The following ZDHHC3 variants were observed in gnomAD, a reference collection of about 807,000 sequenced individuals.
ZDHHC3 encodes palmitoyltransferase ZDHHC3.
A neutral mutation model predicts 30.6 loss-of-function variants in ZDHHC3; 9 were observed. The ratio of observed to expected loss-of-function variants is 0.29; its 90% confidence interval spans 0.18 to 0.51. The LOEUF (loss-of-function observed/expected upper bound fraction) is 0.51. ZDHHC3 is among the 20% of genes least tolerant of loss of function. ZDHHC3 has a pLI of 0.97. For synonymous variants in ZDHHC3, 136 were observed against 140.2 expected (o/e 0.97, Z 0.21); for missense variants, 246 against 384.2 (o/e 0.64, Z 3.01).
intron 2 of ZDHHC3, among the ~76,000 whole-genome samples, chr3:44,956,299 AC>A (rs1445734307): frequency 6.6e-6 from 1 of 152,174 alleles, no homozygotes; most frequent in Non-Finnish European, 1.5e-5. Flanking sequence ...TCAGCTCCAG[AC>A]TGACTATCTA....
intron 3 of ZDHHC3, among the ~76,000 whole-genome samples, chr3:44,944,089 C>T (rs1404697817): frequency 6.6e-6 from 1 of 152,124 alleles, no homozygotes; most frequent in Non-Finnish European, 1.5e-5. Flanking sequence ...CGATGCTCTG[C>T]CCTCAGCCTC....
chr3:44,965,317 T>C (rs1444221498), intron 1 of ZDHHC3, among the ~76,000 whole-genome samples: 1 of 152,068 alleles, frequency 6.6e-6, no homozygotes, highest in Non-Finnish European at 1.5e-5. Flanking sequence ...GACACAAATA[T>C]ACTTAGTGAA....
chr3:44,951,378 A>AG (rs1488095945), intron 2 of ZDHHC3, among the ~76,000 whole-genome samples: 9 of 152,170 alleles, frequency 5.9e-5, no homozygotes, highest in Non-Finnish European at 4.4e-5. Flanking sequence ...GTGTGTATTT[A>AG]GGGGTGGGGT....
rs760471683 is a variant in ZDHHC3 at position 44,959,122 on chromosome 3, C to T, written c.306+9G>A. 13 of 1,613,744 alleles carry T rather than the reference C, an allele frequency of 8.1e-6. No homozygotes were observed. Among genetic ancestry groups the T allele is most frequent in the African/African-American group, 4.0e-5 (3 of 74,936 alleles). ...GTGGGCTGGTCAAAACAAGCCCAGA[C>T]ATACTCACGGGGTCCGTCAGCATGG... On this transcript the variant is annotated intron_variant, in intron 2 of 6. Transcript: ENST00000424952. This position sits in a 1 kb window ranked among gnomAD's most constrained non-coding sequence, Gnocchi z 4.3.
Position 44,922,367 on chromosome 3 carries a change from A to G in ZDHHC3, c.*4322T>C. ...TCTTTCCCTTCCGGGCTGCTTCTTC[A>G]CCCAAAGGGCCCTTGGTCTAGAGAT... On this transcript the variant is annotated 3_prime_UTR_variant, in exon 7 of 7. Coordinates refer to ENST00000424952, the MANE Select transcript of ZDHHC3 (RefSeq NM_001135179.2). The G allele has an allele frequency of 4.1e-6, 4 of 985,252 alleles. No homozygotes were observed. Among genetic ancestry groups the G allele is most frequent in the Non-Finnish European group, 4.8e-6 (4 of 829,922 alleles). 61.0% of individuals were successfully genotyped at this position (985,252 alleles called of 1,614,324 possible).
chr3:44,933,313 G>T, intron 4 of ZDHHC3, 114 bp from the exon 5 acceptor site: 4 of 933,056 alleles, frequency 4.3e-6, no homozygotes, highest in South Asian at 1.5e-5. Flanking sequence ...TCAGGACAAG[G>T]CCTGACCAGG....
chr3:44,944,061 C>T (rs1471639806), intron 3 of ZDHHC3, among the ~76,000 whole-genome samples: 1 of 152,098 alleles, frequency 6.6e-6, no homozygotes, highest in Non-Finnish European at 1.5e-5. Flanking sequence ...ACTGCAGCCT[C>T]GGACTCCTGG....
intron 1 of ZDHHC3, among the ~76,000 whole-genome samples, chr3:44,972,664 T>C (rs572819139): frequency 1.1e-4 from 17 of 152,232 alleles, no homozygotes; most frequent in Admixed American, 5.2e-4. Flanking sequence ...ATTAGCACCT[T>C]ATTATAGGCT....
chr3:44,970,699 A>G (rs540183463), intron 1 of ZDHHC3, among the ~76,000 whole-genome samples: 5 of 152,198 alleles, frequency 3.3e-5, no homozygotes, highest in Admixed American at 3.3e-4. Flanking sequence ...TTTCCTGAGC[A>G]TGTTTAGTTT....
At chr3:44,956,858 T>A (rs950475891) in intron 2 of ZDHHC3, among the ~76,000 whole-genome samples, 2 of 152,114 alleles carry the variant, frequency 1.3e-5, no homozygotes, top group African/African-American at 2.4e-5. Flanking sequence ...CCGGCTGCAC[T>A]TAGAATAAAA....
chr3:44,960,776 G>A (rs1488168998), intron 1 of ZDHHC3, among the ~76,000 whole-genome samples: 8 of 152,210 alleles, frequency 5.3e-5, no homozygotes, highest in Admixed American at 5.2e-4. Flanking sequence ...AGCAGCACTG[G>A]CCATGTGTGC....
At chr3:44,933,825 T>C (rs1199165830) in intron 4 of ZDHHC3, 63 bp downstream of exon 4, 2 of 1,459,600 alleles carry the variant, frequency 1.4e-6, no homozygotes, top group Non-Finnish European at 1.9e-6. Flanking sequence ...CTGAGAATTT[T>C]CAAAGGAACA....
At chr3:44,931,885 C>A (rs553638006) in intron 5 of ZDHHC3, among the ~76,000 whole-genome samples, 60 of 152,304 alleles carry the variant, frequency 3.9e-4, no homozygotes, top group Non-Finnish European at 1.0e-4. Flanking sequence ...ACCTTGCAGG[C>A]TTGTTATAAG....
At chr3:44,930,159 T>C (rs767025656) in intron 5 of ZDHHC3, among the ~76,000 whole-genome samples, 2 of 152,226 alleles carry the variant, frequency 1.3e-5, no homozygotes, top group Non-Finnish European at 2.9e-5. Context: ...AGTCCTGCCA[T>C]CTTCAGGCCT....
At position 44,918,072 on chromosome 3, in the gene ZDHHC3, G is replaced by C; in HGVS notation, c.*8617C>G. On this transcript the variant is annotated 3_prime_UTR_variant, in exon 7 of 7. Transcript: ENST00000424952. The stretch of plus-strand genomic sequence containing the variant: ...AGTTCAGGGAGAAGTCCCCACCAAA[G>C]GTCTCCTTTACTGACTGCCAGCTCC... The C allele has an allele frequency of 1.5e-6, 2 of 1,305,408 alleles. No individual in the cohort carries two copies. The highest frequency in any genetic ancestry group is 2.0e-6 in the Non-Finnish European group (2 of 988,964). The allele number at this position is 1,305,408 out of a possible 1,614,324, so 80.9% of individuals were successfully genotyped here. A position where few individuals can be genotyped will look rare whatever the true frequency, so the allele number is the denominator to read the frequency against.
At chr3:44,934,031 G>C (rs1255489315) in intron 3 of ZDHHC3, 47 bp from the exon 4 acceptor site, 9 of 1,586,716 alleles carry the variant, frequency 5.7e-6, no homozygotes, top group Non-Finnish European at 1.7e-6. Context: ...CCATGGTGTT[G>C]GGAGGGCCCC....
At chr3:44,943,564 C>G (rs1184467522) in intron 3 of ZDHHC3, among the ~76,000 whole-genome samples, 3 of 152,166 alleles carry the variant, frequency 2.0e-5, no homozygotes, top group Non-Finnish European at 4.4e-5. Flanking sequence ...TCTCACACAC[C>G]CAAATGTCTC....
intron 3 of ZDHHC3, among the ~76,000 whole-genome samples, chr3:44,943,265 C>T (rs1358986807): frequency 6.6e-6 from 1 of 152,194 alleles, no homozygotes; most frequent in Non-Finnish European, 1.5e-5. Flanking sequence ...CCAGAACTGC[C>T]GGGACCCAAA....
intron 3 of ZDHHC3, among the ~76,000 whole-genome samples, chr3:44,935,985 G>A (rs1450632271): frequency 1.3e-5 from 2 of 152,120 alleles, no homozygotes; most frequent in African/African-American, 4.8e-5. Context: ...AAAAGCAATC[G>A]CAACAAAAGC....
Sources: allele counts gnomAD v4.1 joint callset (sites outside exome capture counted in the v4.1 genomes callset), GRCh38; gene constraint gnomAD v4.1.1; non-coding constraint Gnocchi (gnomAD v3.1); transcripts MANE v1.5; gene names NCBI Gene and HGNC (gene_info 2026-07-23, HGNC 2026-07-21).